The following SNCB variants were observed in gnomAD, a reference collection of about 807,000 sequenced individuals.
SNCB encodes the protein beta-synuclein.
SNCB carries 8 observed loss-of-function variants against 20.0 expected under a neutral mutation model. That is an observed-to-expected ratio of 0.40 (90% confidence interval 0.24 to 0.72). The LOEUF (loss-of-function observed/expected upper bound fraction) is 0.72, where lower values mean the gene tolerates loss of function less well. SNCB is among the 30% of genes least tolerant of loss of function. The probability of loss-of-function intolerance (pLI) is 0.37; values close to 1 mark genes in which losing one functional copy is unlikely to be tolerated. For synonymous variants in SNCB, 56 were observed against 65.4 expected, an observed-to-expected ratio of 0.86 and a Z score of 0.69; for missense variants, 125 against 168.0, an observed-to-expected ratio of 0.74 and a Z score of 1.41.
intron 4 of SNCB, among the ~76,000 whole-genome samples, chr5:176,624,826 A>C (rs1422959652): frequency 1.3e-5 from 2 of 151,900 alleles, no homozygotes; most frequent in Non-Finnish European, 2.9e-5. Context: ...AACAAAAAAA[A>C]ACAAATGGGA....
At chr5:176,624,824 A>C (rs1388860352) in intron 4 of SNCB, among the ~76,000 whole-genome samples, 4 of 151,868 alleles carry the variant, frequency 2.6e-5, no homozygotes, top group South Asian at 2.1e-4. Context: ...AAAACAAAAA[A>C]AAACAAATGG....
In SNCB at chr5:176,620,968, T is replaced by C; in HGVS notation, c.373-125A>G. On this transcript the variant is annotated intron_variant, in intron 5 of 5. Coordinates refer to ENST00000393693, the MANE Select transcript of SNCB (RefSeq NM_003085.5). This position sits in a 1 kb window ranked among gnomAD's most constrained non-coding sequence, Gnocchi z 4.5. ...GAGGAATAGCACATTCCCCTTTTCC[T>C]GGGCAGGGGAGGAGCCTGGAAGTTG... The C allele has an allele frequency of 1.1e-6, 1 of 908,616 alleles. No homozygotes were observed. Among genetic ancestry groups the C allele is most frequent in the Non-Finnish European group, 1.8e-6 (1 of 553,710 alleles). 56.3% of individuals were successfully genotyped at this position (908,616 alleles called of 1,614,324 possible). A position where few individuals can be genotyped will look rare whatever the true frequency, so the allele number is the denominator to read the frequency against.
In SNCB at chr5:176,626,546, T is replaced by C; in HGVS notation, c.164-30A>G. Reference sequence around the variant, plus strand: ...AGCAGGGAGGGGGTTGAGGAAGGGGTTTGGGAGCCAGGGGGAAACACCGAT... The same window carrying C: ...AGCAGGGAGGGGGTTGAGGAAGGGGCTTGGGAGCCAGGGGGAAACACCGAT... On this transcript the variant is annotated intron_variant, in intron 3 of 5. Transcript: ENST00000393693. The surrounding 1 kb of genome is among the most constrained non-coding windows in gnomAD (Gnocchi z 4.2). The C allele has an allele frequency of 6.3e-7, 1 of 1,580,794 alleles. No homozygotes were observed. Among genetic ancestry groups the C allele is most frequent in the Non-Finnish European group, 8.7e-7 (1 of 1,149,752 alleles).
In SNCB at chr5:176,629,787, T is replaced by G; in HGVS notation, c.-9-124A>C. 1 of 1,324,568 alleles carries G rather than the reference T, an allele frequency of 7.5e-7. No homozygotes were observed. Among genetic ancestry groups the G allele is most frequent in the South Asian group, 1.5e-5 (1 of 67,548 alleles). The allele number at this position is 1,324,568 out of a possible 1,614,324, so 82.1% of individuals were successfully genotyped here. A position where few individuals can be genotyped will look rare whatever the true frequency, so the allele number is the denominator to read the frequency against. ...GCGCCCTTCTGGACCCTGAGCCCCC[T>G]CCCGCTTTCCCCCCATCCCACCCCA... On this transcript the variant is annotated intron_variant, in intron 1 of 5. Transcript: ENST00000393693. The surrounding 1 kb of genome is among the most constrained non-coding windows in gnomAD (Gnocchi z 4.1).
chr5:176,624,813 A>AC (rs1408553148), intron 4 of SNCB, among the ~76,000 whole-genome samples: 3 of 151,152 alleles, frequency 2.0e-5, no homozygotes, highest in African/African-American at 4.9e-5. Flanking sequence ...AAAAAAAAAA[A>AC]AAAACAAAAA....
rs374362559 is a variant in SNCB at position 176,620,849 on chromosome 5, T to C, written c.373-6A>G. ...TCATACTCCTGATATTCCTCCTGCA[T>C]CACCGGGATGGGGGTGGAGTAGAGA... is the stretch of plus-strand genomic sequence containing the variant. On this transcript the variant is annotated splice_polypyrimidine_tract_variant and splice_region_variant and intron_variant, in intron 5 of 5. Transcript: ENST00000393693. This position sits in a 1 kb window ranked among gnomAD's most constrained non-coding sequence, Gnocchi z 4.5. 1.2e-5 allele frequency: 19 copies of C among 1,613,478 alleles called. No homozygotes were observed. The highest frequency in any genetic ancestry group is 1.6e-4 in the Middle Eastern group (1 of 6,084).
At chr5:176,627,586 C>T (rs1345334845) in intron 2 of SNCB, among the ~76,000 whole-genome samples, 2 of 152,164 alleles carry the variant, frequency 1.3e-5, no homozygotes, top group Non-Finnish European at 1.5e-5. Context: ...GGGGAGTATC[C>T]CGTCTGACAA....
Position 176,626,388 on chromosome 5 carries a change from G to T in SNCB, c.282+10C>A, listed in dbSNP as rs989278830. 6 of 1,542,914 alleles carry T rather than the reference G, an allele frequency of 3.9e-6. No homozygotes were observed. The highest frequency in any genetic ancestry group is 5.4e-6 in the Non-Finnish European group (6 of 1,116,132). On this transcript the variant is annotated intron_variant, in intron 4 of 5. Coordinates refer to ENST00000393693, the MANE Select transcript of SNCB (RefSeq NM_003085.5). The surrounding 1 kb of genome is among the most constrained non-coding windows in gnomAD (Gnocchi z 4.2). ...TTTGCCTGCATGTGCGGGTCAGAAG[G>T]ATCGCTTACCTTCAGATCAGTAGGG...
At chr5:176,628,636 T>C (rs1760126025) in intron 2 of SNCB, among the ~76,000 whole-genome samples, 1 of 152,062 alleles carries the variant, frequency 6.6e-6, no homozygotes, top group Admixed American at 6.6e-5. Flanking sequence ...ACCTGGCTTT[T>C]CTGCAGCCCT....
chr5:176,629,508 C>T lies in SNCB; in HGVS notation c.121+26G>A. On this transcript the variant is annotated intron_variant, in intron 2 of 5. Transcript: ENST00000393693. This position sits in a 1 kb window ranked among gnomAD's most constrained non-coding sequence, Gnocchi z 4.1. ...TGTCGGGGGACCCCCAGCCCTGCAG[C>T]CCCAGAAACCCCGCCCCTTACCCAC... 6.2e-7 allele frequency: 1 copy of T among 1,610,546 alleles called. No individual in the cohort carries two copies. Among genetic ancestry groups the T allele is most frequent in the Non-Finnish European group, 8.5e-7 (1 of 1,178,340 alleles).
At chr5:176,627,460 G>A (rs1341630099) in intron 2 of SNCB, among the ~76,000 whole-genome samples, 1 of 152,248 alleles carries the variant, frequency 6.6e-6, no homozygotes, top group Non-Finnish European at 1.5e-5. Flanking sequence ...GGCACCCGTG[G>A]CATTGGCTGG....
chr5:176,622,874 T>C (rs1210653301), intron 4 of SNCB, among the ~76,000 whole-genome samples: 2 of 151,852 alleles, frequency 1.3e-5, no homozygotes, highest in Non-Finnish European at 2.9e-5. Context: ...GTAGCTGGGA[T>C]TACAGGCATG....
In SNCB at chr5:176,626,500, C is replaced by G; in HGVS notation, c.180G>C (p.Lys60Asn). Residue 60 changes from lysine to asparagine, a missense_variant, in exon 4 of 6, where the codon AAG (lysine) becomes AAC (asparagine). Transcript: ENST00000393693. The surrounding 1 kb of genome is among the most constrained non-coding windows in gnomAD (Gnocchi z 4.2). ...CTCCTCCCAGATGTGAGGCCTGTTC[C>G]TTGGTTTTTTCAGCCACTGGAGCAG... ...QGVASVAEKTKEQASHLGGAV... is the reference protein window; with the variant it reads ...QGVASVAEKTNEQASHLGGAV... 1 of 1,613,996 alleles carries G rather than the reference C, an allele frequency of 6.2e-7. No homozygotes were observed. Among genetic ancestry groups the G allele is most frequent in the Non-Finnish European group, 8.5e-7 (1 of 1,179,918 alleles).
chr5:176,628,577 T>C (rs1279351351), intron 2 of SNCB, among the ~76,000 whole-genome samples: 1 of 152,086 alleles, frequency 6.6e-6, no homozygotes, highest in Non-Finnish European at 1.5e-5. Context: ...TGACCTCACC[T>C]CCTACCACTA....
chr5:176,623,297 G>A (rs1302330297), intron 4 of SNCB, among the ~76,000 whole-genome samples: 28 of 152,176 alleles, frequency 1.8e-4, no homozygotes, highest in Non-Finnish European at 2.9e-5. Flanking sequence ...TGAGGCAAGA[G>A]CATTGCTTGA....
Position 176,629,634 on chromosome 5 carries a change from G to C in SNCB, c.21C>G (p.Gly7=), listed in dbSNP as rs1168214550. The change falls in exon 2 of 6, where the codon GGC becomes GGG. Residue 7 remains glycine, a synonymous_variant. Transcript: ENST00000393693. This position sits in a 1 kb window ranked among gnomAD's most constrained non-coding sequence, Gnocchi z 4.1. Reference sequence around the variant, plus strand: ...CAACGCCCTCCTTGGCCATGGACAGGCCCTTCATGAACACGTCCATCCTGG... The same window carrying C: ...CAACGCCCTCCTTGGCCATGGACAGCCCCTTCATGAACACGTCCATCCTGG... MDVFMK[G]LSMAKEGVVA... The C allele has an allele frequency of 1.9e-6, 3 of 1,613,696 alleles. No homozygotes were observed. Among genetic ancestry groups the C allele is most frequent in the Non-Finnish European group, 2.5e-6 (3 of 1,179,896 alleles).
Position 176,621,046 on chromosome 5 carries a change from T to C in SNCB, c.372+168A>G, listed in dbSNP as rs545052654. The stretch of plus-strand genomic sequence containing the variant: ...GTGCCTGGGGCCCAGCGCTAGACCC[T>C]ATCTGCCCTCTCCTCCCTGCTCCCA... On this transcript the variant is annotated intron_variant, in intron 5 of 5. Transcript: ENST00000393693. This position sits in a 1 kb window ranked among gnomAD's most constrained non-coding sequence, Gnocchi z 4.1. Among the ~76,000 whole-genome samples the C allele has an allele frequency of 3.3e-5, 5 of 152,242 alleles. No individual in the cohort carries two copies. In the South Asian group the frequency reaches 1.0e-3, roughly 32 times the overall value.
Position 176,626,300 on chromosome 5 carries a change from G to C in SNCB, c.282+98C>G. ...GTTCCAAGCTGGTGGCAGGATTAGG[G>C]GGGCGGGGATGGTGACAGGTTTATT... On this transcript the variant is annotated intron_variant, in intron 4 of 5. Transcript: ENST00000393693. The surrounding 1 kb of genome is among the most constrained non-coding windows in gnomAD (Gnocchi z 4.2). The C allele has an allele frequency of 2.2e-6, 2 of 907,526 alleles. No individual in the cohort carries two copies. The highest frequency in any genetic ancestry group is 3.7e-6 in the Non-Finnish European group (2 of 547,726). 56.2% of individuals were successfully genotyped at this position (907,526 alleles called of 1,614,324 possible). A position where few individuals can be genotyped will look rare whatever the true frequency, so the allele number is the denominator to read the frequency against.
chr5:176,623,973 A>C (rs1759772480), intron 4 of SNCB, among the ~76,000 whole-genome samples: 1 of 152,226 alleles, frequency 6.6e-6, no homozygotes, highest in Admixed American at 6.5e-5. Flanking sequence ...GATGGAAAGC[A>C]TGCTCGAAGC....
Sources: gnomAD v4.1 joint callset for allele counts (sites outside exome capture counted in the v4.1 genomes callset) on GRCh38, gnomAD v4.1.1 for gene constraint, Gnocchi (gnomAD v3.1) non-coding constraint, MANE v1.5 for transcripts, NCBI Gene and HGNC (gene_info 2026-07-23, HGNC 2026-07-21) for gene names.